Variants in PDE4D observed in about 807,000 individuals in gnomAD.
PDE4D encodes 3',5'-cyclic-AMP phosphodiesterase 4D.
A neutral mutation model predicts 87.4 loss-of-function variants in PDE4D; 24 were observed. The observed-to-expected ratio is 0.27, with a 90% confidence interval of 0.20 to 0.39. PDE4D has a LOEUF of 0.39. PDE4D is among the 10% of genes least tolerant of loss of function. The pLI is 1.00. For missense variants in PDE4D, 714 were observed against 1,041.0 expected (o/e 0.69, Z 4.32); for synonymous variants, 384 against 383.2 (o/e 1.00, Z -0.02).
intron 1 of PDE4D, among the ~76,000 whole-genome samples, chr5:60,467,022 TTTTTTA>T (rs1252856973): frequency 1.3e-5 from 2 of 151,710 alleles, no homozygotes; most frequent in African/African-American, 4.8e-5. Flanking sequence ...TTTTAAATAT[TTTTTTA>T]TTTTATTTTA....
intron 1 of PDE4D, among the ~76,000 whole-genome samples, chr5:59,481,562 G>A (rs1804257192): frequency 6.6e-6 from 1 of 152,050 alleles, no homozygotes; most frequent in Non-Finnish European, 1.5e-5. Flanking sequence ...CCTGCTCTAT[G>A]GGTGCATTTG....
chr5:59,447,115 G>A (rs1798468293), intron 1 of PDE4D, among the ~76,000 whole-genome samples: 1 of 152,202 alleles, frequency 6.6e-6, no homozygotes, highest in Non-Finnish European at 1.5e-5. Context: ...AGATGGGTCA[G>A]ACTTGGCAGT....
rs551752318 is a variant in PDE4D, at chr5:59,431,397, C to G, written c.456-215429G>C. On this transcript the variant is annotated intron_variant, in intron 1 of 14. Coordinates refer to ENST00000340635, the MANE Select transcript of PDE4D (RefSeq NM_001104631.2). ...CAGGGTAATGAGAGTAGCAGGTGTT[C>G]AGAGTATTCTGTGAGATAATTTTTA... Among the ~76,000 whole-genome samples the G allele has an allele frequency of 2.0e-5, 3 of 152,122 alleles. No homozygotes were observed. The East Asian group carries it at 5.8e-4, about 29-fold the overall frequency.
At chr5:59,190,834 GT>G (rs1744143356) in intron 3 of PDE4D, among the ~76,000 whole-genome samples, 1 of 152,066 alleles carries the variant, frequency 6.6e-6, no homozygotes, top group African/African-American at 2.4e-5. Flanking sequence ...GGGCTTAACA[GT>G]TTTTTGTTTT....
intron 1 of PDE4D, among the ~76,000 whole-genome samples, chr5:59,616,190 A>C (rs2150088575): frequency 6.6e-6 from 1 of 152,146 alleles, no homozygotes; most frequent in African/African-American, 2.4e-5. Flanking sequence ...TAGTAGTAAA[A>C]CCAAGAAATA....
intron 1 of PDE4D, among the ~76,000 whole-genome samples, chr5:59,568,796 C>G (rs932952697): frequency 6.6e-6 from 1 of 152,040 alleles, no homozygotes; most frequent in Admixed American, 6.5e-5. Flanking sequence ...ATAAATGAAA[C>G]ACGAGAACTA....
chr5:59,798,364 T>A (rs111785543), intron 1 of PDE4D, among the ~76,000 whole-genome samples: 1,590 of 131,168 alleles, frequency 0.012, 11 homozygotes, highest in African/African-American at 0.035. Context: ...CACCAAAAAA[T>A]TTTTTTTAAA....
chr5:60,460,552 C>T (rs563179341), intron 1 of PDE4D: 234 of 1,364,292 alleles, frequency 1.7e-4, no homozygotes, highest in Non-Finnish European at 2.3e-4. Flanking sequence ...AATCTCCTCA[C>T]TGGCTTCTTC....
intron 1 of PDE4D, among the ~76,000 whole-genome samples, chr5:60,232,960 T>C (rs1009802455): frequency 6.6e-6 from 1 of 151,706 alleles, no homozygotes; most frequent in Non-Finnish European, 1.5e-5. Flanking sequence ...ATACTACTAA[T>C]AGAAAACATT....
chr5:60,448,026 T>A (rs1264588507), intron 1 of PDE4D, among the ~76,000 whole-genome samples: 1 of 152,170 alleles, frequency 6.6e-6, no homozygotes, highest in Non-Finnish European at 1.5e-5. Flanking sequence ...ATCTCACTCA[T>A]AAAACTTGCT....
intron 1 of PDE4D, among the ~76,000 whole-genome samples, chr5:60,252,364 A>T (rs1748572771): frequency 6.6e-6 from 1 of 150,864 alleles, no homozygotes; most frequent in East Asian, 1.9e-4. Context: ...CAATTGGCAC[A>T]ATTAATATTC....
intron 1 of PDE4D, among the ~76,000 whole-genome samples, chr5:59,460,235 G>A (rs1184890855): frequency 6.6e-6 from 1 of 151,680 alleles, no homozygotes; most frequent in Non-Finnish European, 1.5e-5. Flanking sequence ...ATAGGAAAAT[G>A]GATTAAAACT....
intron 1 of PDE4D, among the ~76,000 whole-genome samples, chr5:59,444,910 T>A (rs73760303): frequency 0.016 from 2,466 of 152,244 alleles, 73 homozygotes; most frequent in African/African-American, 0.055. Context: ...AGTTTGACAA[T>A]CCCCATTCAA....
At chr5:59,468,112 TC>T (rs929164680) in intron 1 of PDE4D, among the ~76,000 whole-genome samples, 3 of 152,212 alleles carry the variant, frequency 2.0e-5, no homozygotes, top group African/African-American at 7.2e-5. Flanking sequence ...GTGAGCCAGC[TC>T]AGAACCAAAG....
chr5:60,521,297 C>G (rs1751029693), intron 1 of PDE4D: 1 of 152,160 alleles, frequency 6.6e-6, no homozygotes, highest in Non-Finnish European at 1.5e-5. Context: ...AAAAAGGACC[C>G]AAAGTCCTAT....
chr5:60,514,768 T>C (rs1201971895), intron 1 of PDE4D, among the ~76,000 whole-genome samples: 1 of 152,108 alleles, frequency 6.6e-6, no homozygotes, highest in Non-Finnish European at 1.5e-5. Context: ...AAGCTTTTCT[T>C]CTGAAATCAG....
At chr5:60,059,381 A>G (rs1048169735) in intron 2 of PDE4D, among the ~76,000 whole-genome samples, 3 of 152,004 alleles carry the variant, frequency 2.0e-5, no homozygotes, top group African/African-American at 7.2e-5. Context: ...TATTTCCCTG[A>G]TGAATCTGGT....
At chr5:59,508,828 A>C (rs957618980) in intron 1 of PDE4D, among the ~76,000 whole-genome samples, 13 of 151,914 alleles carry the variant, frequency 8.6e-5, no homozygotes, top group Non-Finnish European at 1.9e-4. Context: ...AACAAATTAG[A>C]CTCTACTGAA....
intron 1 of PDE4D, among the ~76,000 whole-genome samples, chr5:60,449,425 T>C (rs1392527875): frequency 7.2e-6 from 1 of 139,116 alleles, no homozygotes; most frequent in Non-Finnish European, 1.5e-5. Context: ...TTCTCACTCA[T>C]AGGTGGGAAT....
Sources: allele counts gnomAD v4.1 joint callset (sites outside exome capture counted in the v4.1 genomes callset), GRCh38; gene constraint gnomAD v4.1.1; transcripts MANE v1.5; gene names NCBI Gene and HGNC (gene_info 2026-07-23, HGNC 2026-07-21).